The following SLC28A3 variants were observed in gnomAD, a reference collection of about 807,000 sequenced individuals.
SLC28A3 encodes concentrative Na(+)-nucleoside cotransporter 3.
SLC28A3 carries 68 observed loss-of-function variants against 84.2 expected under a neutral mutation model. The observed-to-expected ratio is 0.81, with a 90% CI of 0.66 to 0.99. The LOEUF (loss-of-function observed/expected upper bound fraction) is 0.99. Among genes scored for constraint, SLC28A3 ranks in the 50% least tolerant of loss-of-function variants. SLC28A3 has a pLI of 0.00. For missense variants in SLC28A3, 712 were observed against 841.5 expected (o/e 0.85, Z 1.90); for synonymous variants, 267 against 303.6 (o/e 0.88, Z 1.25).
chr9:84,335,792 C>A (rs1005510543), intron 1 of SLC28A3, among the ~76,000 whole-genome samples: 14 of 151,466 alleles, frequency 9.2e-5, no homozygotes, highest in African/African-American at 3.4e-4. Flanking sequence ...TTAATTATTT[C>A]AACAATCCCA....
chr9:84,317,619 G>A (rs1330390558), intron 1 of SLC28A3, among the ~76,000 whole-genome samples: 1 of 152,090 alleles, frequency 6.6e-6, no homozygotes, highest in Non-Finnish European at 1.5e-5. Context: ...TACCACCACT[G>A]TGCTAGGAGA....
At chr9:84,332,054 C>A (rs1826809219) in intron 1 of SLC28A3, among the ~76,000 whole-genome samples, 1 of 152,186 alleles carries the variant, frequency 6.6e-6, no homozygotes, top group African/African-American at 2.4e-5. Flanking sequence ...GGAAAGCAAA[C>A]TTGACTCCTA....
Position 84,299,695 on chromosome 9 carries a change from A to C in SLC28A3, c.555T>G (p.Val185=), listed in dbSNP as rs749032696. 18 of 1,611,242 alleles carry C rather than the reference A, an allele frequency of 1.1e-5. No individual in the cohort carries two copies. In the African/African-American group the frequency reaches 2.4e-4, roughly 22 times the overall value. ...CAGTGTCAAAGGCCAACCAGAAAATAACTGCTAGGACCAGGGAGCTCCAGA... is the reference window on the plus strand; with the variant it reads ...CAGTGTCAAAGGCCAACCAGAAAATCACTGCTAGGACCAGGGAGCTCCAGA... ...WVIWSSLVLA[V]IFWLAFDTAK... Residue 185 remains valine, a synonymous_variant, in exon 6 of 18, where the codon GTT becomes GTG. Transcript: ENST00000376238.
At chr9:84,307,725 TA>T (rs1469307783) in intron 3 of SLC28A3, among the ~76,000 whole-genome samples, 1 of 152,230 alleles carries the variant, frequency 6.6e-6, no homozygotes, top group Non-Finnish European at 1.5e-5. Context: ...TGACATTTAA[TA>T]GGGTACATTC....
At chr9:84,311,625 G>A (rs1412338450) in intron 2 of SLC28A3, among the ~76,000 whole-genome samples, 2 of 152,118 alleles carry the variant, frequency 1.3e-5, no homozygotes, top group Non-Finnish European at 1.5e-5. Context: ...GCCAAGGCAG[G>A]CGGATCACAA....
chr9:84,280,687 T>C lies in SLC28A3; in HGVS notation c.1729+114A>G, dbSNP rs1054169195. The C allele has an allele frequency of 1.6e-5, 15 of 966,168 alleles. No homozygotes were observed. In the East Asian group the frequency reaches 3.3e-4, roughly 21 times the overall value. 59.8% of individuals were successfully genotyped at this position (966,168 alleles called of 1,614,324 possible). On this transcript the variant is annotated intron_variant, in intron 15 of 17. Coordinates refer to ENST00000376238, the MANE Select transcript of SLC28A3 (RefSeq NM_001199633.2). Reference sequence around the variant, plus strand: ...ATTAAAAAAATAGACCCCAGAGGACTCATGACTGTTGCAAAGGCCTTTGTT... The same window carrying C: ...ATTAAAAAAATAGACCCCAGAGGACCCATGACTGTTGCAAAGGCCTTTGTT...
the SLC28A3 span, among the ~76,000 whole-genome samples, chr9:84,364,528 C>T: frequency 0.044 from 6,674 of 152,240 alleles, 206 homozygotes; most frequent in African/African-American, 0.089. Context: ...TGGCCAATTA[C>T]GCTTTTTTAA....
chr9:84,367,535 T>A, the SLC28A3 span, among the ~76,000 whole-genome samples: 1 of 152,020 alleles, frequency 6.6e-6, no homozygotes, highest in East Asian at 1.9e-4. Context: ...AGACAAAGCA[T>A]AGAGAAAGAA....
At chr9:84,288,891 G>A (rs1021106727) in intron 11 of SLC28A3, among the ~76,000 whole-genome samples, 2 of 152,090 alleles carry the variant, frequency 1.3e-5, no homozygotes, top group African/African-American at 4.8e-5. Flanking sequence ...GATGGGGAGT[G>A]GAGAAGGGAC....
chr9:84,345,206 C>T (rs12346191), upstream of SLC28A3, among the ~76,000 whole-genome samples: 8,015 of 150,316 alleles, frequency 0.053, 434 homozygotes, highest in East Asian at 0.17. Flanking sequence ...TTGCAATGTG[C>T]CATAAGTAGT....
At chr9:84,284,035 C>T (rs935531439) in intron 14 of SLC28A3, among the ~76,000 whole-genome samples, 1 of 152,230 alleles carries the variant, frequency 6.6e-6, no homozygotes, top group Non-Finnish European at 1.5e-5. Flanking sequence ...TAAACTCAAT[C>T]AGCTCTACTG....
intron 14 of SLC28A3, among the ~76,000 whole-genome samples, chr9:84,284,424 A>T (rs568865281): frequency 6.6e-6 from 1 of 152,304 alleles, no homozygotes; most frequent in East Asian, 1.9e-4. Context: ...GTAAATCTGC[A>T]GGCTTGTTCT....
At chr9:84,324,076 G>A (rs1826468480) in intron 1 of SLC28A3, among the ~76,000 whole-genome samples, 1 of 152,200 alleles carries the variant, frequency 6.6e-6, no homozygotes, top group Non-Finnish European at 1.5e-5. Flanking sequence ...CCAACAGGAA[G>A]CCTAACATTT....
chr9:84,280,356 T>C (rs759615523), intron 15 of SLC28A3, among the ~76,000 whole-genome samples: 1 of 152,158 alleles, frequency 6.6e-6, no homozygotes, highest in East Asian at 1.9e-4. Context: ...GGGCTATTTA[T>C]TGAGGTCATG....
chr9:84,315,926 A>G (rs939942261), intron 1 of SLC28A3, among the ~76,000 whole-genome samples: 5 of 152,212 alleles, frequency 3.3e-5, no homozygotes, highest in African/African-American at 1.2e-4. Context: ...GGTAAAATCT[A>G]TCCCTCTGTT....
rs771440704 is a variant in SLC28A3 at position 84,285,527 on chromosome 9, T to C, written c.1465A>G (p.Ile489Val). 1.4e-5 allele frequency: 22 copies of C among 1,614,044 alleles called. No individual in the cohort carries two copies. Among genetic ancestry groups the C allele is most frequent in the Middle Eastern group, 3.3e-4 (2 of 6,082 alleles). Residue 489 changes from isoleucine (I) to valine (V), a missense_variant, in exon 14 of 18, where the codon ATC (isoleucine) becomes GTC (valine). Physicochemically the swap from Ile to Val is conservative, Grantham distance 29 (BLOSUM62 3). Transcript: ENST00000376238. ...QLSFELICSY[I>V]FMPFSFMMGV... ...ATCATGAAGGAAAAGGGCATGAAGATGTAGGAGCAGATTAGCTACAGAAAC... is the reference window on the plus strand; with the variant it reads ...ATCATGAAGGAAAAGGGCATGAAGACGTAGGAGCAGATTAGCTACAGAAAC...
At chr9:84,284,138 T>C (rs903420594) in intron 14 of SLC28A3, among the ~76,000 whole-genome samples, 1 of 152,202 alleles carries the variant, frequency 6.6e-6, no homozygotes, top group African/African-American at 2.4e-5. Context: ...AACGATTCTC[T>C]CCTGGCAACT....
intron 10 of SLC28A3, among the ~76,000 whole-genome samples, chr9:84,290,602 T>C (rs1195745845): frequency 6.6e-6 from 1 of 152,116 alleles, no homozygotes; most frequent in Non-Finnish European, 1.5e-5. Context: ...TATGTGGTCA[T>C]GTATAAATTT....
intron 3 of SLC28A3, 133 bp downstream of exon 3, chr9:84,309,496 C>T: frequency 1.5e-6 from 1 of 646,116 alleles, no homozygotes. Flanking sequence ...GCACTCCAGC[C>T]TGGGTGACAA....
Sources: allele counts gnomAD v4.1 joint callset (sites outside exome capture counted in the v4.1 genomes callset), GRCh38; gene constraint gnomAD v4.1.1; transcripts MANE v1.5; gene names NCBI Gene and HGNC (gene_info 2026-07-23, HGNC 2026-07-21).